Variants in LTBP1 observed in about 807,000 individuals in gnomAD.
LTBP1 encodes the protein latent-transforming growth factor beta-binding protein 1.
Under a neutral mutation model 207.6 loss-of-function variants are expected in LTBP1, and 129 were observed. The observed-to-expected ratio is 0.62, with a 90% CI of 0.54 to 0.72. LTBP1 has a LOEUF of 0.72. Among genes scored for constraint, LTBP1 ranks in the 30% least tolerant of loss-of-function variants. The probability of loss-of-function intolerance (pLI) is 0.00; values close to 1 mark genes in which losing one functional copy is unlikely to be tolerated. For synonymous variants in LTBP1, 963 were observed against 833.7 expected (o/e 1.16, Z -2.67); for missense variants, 2,281 against 2,217.2 (o/e 1.03, Z -0.58).
chr2:33,017,491 C>T (rs558411065), intron 2 of LTBP1, among the ~76,000 whole-genome samples: 1 of 152,172 alleles, frequency 6.6e-6, no homozygotes, highest in African/African-American at 2.4e-5. Flanking sequence ...ATACTGCCGG[C>T]CTGGGCACCA....
chr2:33,135,205 G>T (rs2082043353), intron 5 of LTBP1, among the ~76,000 whole-genome samples: 1 of 152,202 alleles, frequency 6.6e-6, no homozygotes, highest in Non-Finnish European at 1.5e-5. Context: ...ACACAGCCAT[G>T]TGGTAATGGG....
intron 3 of LTBP1, among the ~76,000 whole-genome samples, chr2:33,093,920 T>G (rs1217752011): frequency 6.6e-6 from 1 of 152,166 alleles, no homozygotes; most frequent in Non-Finnish European, 1.5e-5. Context: ...TTTTATTTTC[T>G]TTTTAACATT....
chr2:32,957,479 G>C (rs920152791), intron 2 of LTBP1, among the ~76,000 whole-genome samples: 19 of 152,152 alleles, frequency 1.2e-4, no homozygotes, highest in Non-Finnish European at 2.2e-4. Flanking sequence ...ATGAGGGAAC[G>C]GCTGGTCGGT....
At chr2:33,064,096 A>G (rs561084126) in intron 3 of LTBP1, among the ~76,000 whole-genome samples, 13 of 151,946 alleles carry the variant, frequency 8.6e-5, no homozygotes, top group Non-Finnish European at 1.3e-4. Flanking sequence ...CTCATGATTT[A>G]CCCGCCTTGG....
At chr2:33,243,607 G>A (rs1333145681) in intron 9 of LTBP1, 55 bp from the exon 10 acceptor site, 7 of 1,584,732 alleles carry the variant, frequency 4.4e-6, no homozygotes, top group Non-Finnish European at 5.2e-6. Context: ...TGTATAGCCA[G>A]AATCTGCTCA....
At chr2:33,082,903 G>A (rs981622838) in intron 3 of LTBP1, among the ~76,000 whole-genome samples, 1 of 152,014 alleles carries the variant, frequency 6.6e-6, no homozygotes, top group African/African-American at 2.4e-5. Flanking sequence ...TGGGCATCTG[G>A]TCCTCACTGG....
At position 33,350,739 on chromosome 2, in the gene LTBP1, A is replaced by G. The variant is rs181128952; in HGVS notation, c.4000+3229A>G. Among the ~76,000 whole-genome samples, 288 of 152,304 alleles carry G rather than the reference A, an allele frequency of 1.9e-3. 1 individual carries two copies. The highest frequency in any genetic ancestry group is 6.7e-3 in the African/African-American group (277 of 41,568). On this transcript the variant is annotated intron_variant, in intron 26 of 33. Coordinates refer to ENST00000404816, the MANE Select transcript of LTBP1 (RefSeq NM_206943.4). ...GGCCACTCATCACATTTAAGAAGGT[A>G]TGGATATGAAATATAGTCTGATGCT... is the stretch of plus-strand genomic sequence containing the variant.
intron 2 of LTBP1, among the ~76,000 whole-genome samples, chr2:32,957,929 G>A (rs947289835): frequency 2.0e-5 from 3 of 152,054 alleles, no homozygotes; most frequent in Admixed American, 6.5e-5. Flanking sequence ...CATTGCCATC[G>A]AGACCCCAAG....
chr2:33,297,641 A>G (rs2093905578), intron 20 of LTBP1, among the ~76,000 whole-genome samples: 2 of 152,080 alleles, frequency 1.3e-5, no homozygotes, highest in African/African-American at 4.8e-5. Context: ...CATGTTAGCC[A>G]GAATGGTCTC....
At chr2:33,158,381 C>G (rs897191017) in intron 5 of LTBP1, among the ~76,000 whole-genome samples, 2 of 152,088 alleles carry the variant, frequency 1.3e-5, no homozygotes, top group African/African-American at 4.8e-5. Context: ...GACAGGCCCT[C>G]CCATCCCAGA....
intron 9 of LTBP1, among the ~76,000 whole-genome samples, chr2:33,223,315 A>C (rs533047983): frequency 1.1e-4 from 16 of 152,324 alleles, no homozygotes; most frequent in African/African-American, 3.4e-4. Flanking sequence ...TTGGTAACAT[A>C]AAAGAATTTA....
At chr2:33,350,958 G>T (rs2094773330) in intron 26 of LTBP1, among the ~76,000 whole-genome samples, 1 of 151,930 alleles carries the variant, frequency 6.6e-6, no homozygotes, top group Non-Finnish European at 1.5e-5. Flanking sequence ...AAAACAGAAG[G>T]TATAATGAAA....
chr2:33,058,027 C>T (rs72793703), intron 3 of LTBP1, among the ~76,000 whole-genome samples: 4 of 152,208 alleles, frequency 2.6e-5, no homozygotes, highest in Admixed American at 6.5e-5. Context: ...TGCTCTACCT[C>T]ATCATAAAAG....
chr2:32,996,537 A>T (rs891700605), intron 2 of LTBP1, among the ~76,000 whole-genome samples: 1 of 152,176 alleles, frequency 6.6e-6, no homozygotes, highest in African/African-American at 2.4e-5. Flanking sequence ...GCTGTGCTAG[A>T]TGCTGGGGGT....
At chr2:33,346,973 C>T (rs915366383) in intron 25 of LTBP1, among the ~76,000 whole-genome samples, 2 of 151,868 alleles carry the variant, frequency 1.3e-5, no homozygotes, top group African/African-American at 2.4e-5. Flanking sequence ...AACAAATTAG[C>T]GGGGCGTGGT....
At chr2:33,372,330 A>G (rs1389995317) in intron 31 of LTBP1, among the ~76,000 whole-genome samples, 1 of 152,218 alleles carries the variant, frequency 6.6e-6, no homozygotes, top group Non-Finnish European at 1.5e-5. Context: ...CTGAGATTTT[A>G]AAATTGTCTC....
At chr2:33,019,874 ATTTTT>A (rs3047195) in intron 2 of LTBP1, among the ~76,000 whole-genome samples, 2 of 135,032 alleles carry the variant, frequency 1.5e-5, no homozygotes, top group African/African-American at 2.8e-5. Flanking sequence ...AGCTAATTAA[ATTTTT>A]TTTTTTTTTT....
At chr2:33,350,828 G>A (rs1375309120) in intron 26 of LTBP1, among the ~76,000 whole-genome samples, 1 of 152,098 alleles carries the variant, frequency 6.6e-6, no homozygotes, top group East Asian at 1.9e-4. Flanking sequence ...GCACTCTAAG[G>A]GAAGCAGTAA....
At chr2:33,173,262 A>C (rs1174668997) in intron 5 of LTBP1, among the ~76,000 whole-genome samples, 7 of 151,796 alleles carry the variant, frequency 4.6e-5, no homozygotes, top group East Asian at 1.9e-4. Context: ...CGCTAGCAAG[A>C]CTAATAAAGA....
Sources: gnomAD v4.1 joint callset for allele counts (sites outside exome capture counted in the v4.1 genomes callset) on GRCh38, gnomAD v4.1.1 for gene constraint, MANE v1.5 for transcripts, NCBI Gene and HGNC (gene_info 2026-07-23, HGNC 2026-07-21) for gene names.